The following WDTC1 variants were observed in gnomAD, a reference collection of about 807,000 sequenced individuals.
The protein encoded by WDTC1 is WD and tetratricopeptide repeats protein 1.
A neutral mutation model predicts 76.0 loss-of-function variants in WDTC1; 12 were observed. That is an observed-to-expected ratio of 0.16 (90% CI 0.10 to 0.26). The LOEUF is 0.26. Among genes scored for constraint, WDTC1 ranks in the 10% least tolerant of loss-of-function variants. The probability of loss-of-function intolerance (pLI) is 1.00; values close to 1 mark genes in which losing one functional copy is unlikely to be tolerated. For missense variants in WDTC1, 511 were observed against 908.8 expected, an observed-to-expected ratio of 0.56 and a Z score of 5.63; for synonymous variants, 326 against 350.8, an observed-to-expected ratio of 0.93 and a Z score of 0.79.
chr1:27,238,370 G>A (rs1057001041), intron 1 of WDTC1, among the ~76,000 whole-genome samples: 2 of 152,188 alleles, frequency 1.3e-5, no homozygotes, highest in Admixed American at 6.5e-5. Context: ...TTCCAAGAAG[G>A]TAGACTTTGG....
At chr1:27,246,313 C>A (rs2011829135) in intron 1 of WDTC1, among the ~76,000 whole-genome samples, 1 of 152,190 alleles carries the variant, frequency 6.6e-6, no homozygotes, top group Non-Finnish European at 1.5e-5. Flanking sequence ...ATAAATAGAA[C>A]CATACGACAT....
At chr1:27,269,543 A>G (rs1570959099) in intron 3 of WDTC1, among the ~76,000 whole-genome samples, 2 of 150,322 alleles carry the variant, frequency 1.3e-5, no homozygotes, top group African/African-American at 4.9e-5. Flanking sequence ...ACGATGGACA[A>G]TGGAGAGTCA....
chr1:27,300,918 C>G lies in WDTC1; in HGVS notation c.1233-308C>G, dbSNP rs550166227. Among the ~76,000 whole-genome samples, 4 of 152,348 alleles carry G rather than the reference C, an allele frequency of 2.6e-5. No homozygotes were observed. In the East Asian group the frequency reaches 5.8e-4, roughly 22 times the overall value. On this transcript the variant is annotated intron_variant, in intron 12 of 15. Coordinates refer to ENST00000319394, the MANE Select transcript of WDTC1 (RefSeq NM_001276252.2). ...GGTGGGCAAGATGCCAGGCCTTCTG[C>G]TGCAGAGCTGCGGGTGCCTGGGGTG...
Position 27,303,856 on chromosome 1 carries a change from G to A in WDTC1, c.1643+61G>A. On this transcript the variant is annotated intron_variant, in intron 14 of 15. Coordinates refer to ENST00000319394, the MANE Select transcript of WDTC1 (RefSeq NM_001276252.2). The surrounding 1 kb of genome is among the most constrained non-coding windows in gnomAD (Gnocchi z 4.8). ...GGCAGCGGGAGGTTGAGTGGGGAGTGTTGGGGCATAATGGTTTCAGAGAAG... is the reference window on the plus strand; with the variant it reads ...GGCAGCGGGAGGTTGAGTGGGGAGTATTGGGGCATAATGGTTTCAGAGAAG... The A allele has an allele frequency of 6.3e-7, 1 of 1,593,170 alleles. No individual in the cohort carries two copies. The highest frequency in any genetic ancestry group is 8.6e-7 in the Non-Finnish European group (1 of 1,168,490).
At chr1:27,287,176 A>C (rs1049161164) in intron 5 of WDTC1, among the ~76,000 whole-genome samples, 4 of 151,218 alleles carry the variant, frequency 2.6e-5, no homozygotes, top group African/African-American at 9.7e-5. Context: ...AAAAAAAAAC[A>C]AAAAAAACCC....
intron 3 of WDTC1, among the ~76,000 whole-genome samples, chr1:27,269,858 C>T (rs2012811009): frequency 6.6e-6 from 1 of 151,960 alleles, no homozygotes; most frequent in South Asian, 2.1e-4. Flanking sequence ...GATCCGCCTG[C>T]CTCGACCTCC....
intron 4 of WDTC1, 118 bp downstream of exon 4, chr1:27,282,403 C>G: frequency 1.1e-6 from 1 of 927,708 alleles, no homozygotes; most frequent in Non-Finnish European, 1.6e-6. Flanking sequence ...AAAGAGACTG[C>G]TGCTGTCTGC....
chr1:27,301,445 C>T lies in WDTC1; in HGVS notation c.1452C>T (p.Phe484=). The change falls in exon 13 of 16, where the codon TTC becomes TTT. Residue 484 remains phenylalanine (F), a synonymous_variant. Coordinates refer to ENST00000319394, the MANE Select transcript of WDTC1 (RefSeq NM_001276252.2). The surrounding 1 kb of genome is among the most constrained non-coding windows in gnomAD (Gnocchi z 5.8). ...ALGRDITAAL[F]SKNDGEEKKG... is the part of the protein sequence containing the mutation. ...GCCGCGACATCACAGCTGCCCTCTTCTCTAAAAATGATGGTGGTGAGTGGG... is the reference window on the plus strand; with the variant it reads ...GCCGCGACATCACAGCTGCCCTCTTTTCTAAAAATGATGGTGGTGAGTGGG... 1 of 1,613,200 alleles carries T rather than the reference C, an allele frequency of 6.2e-7. No individual in the cohort carries two copies. Among genetic ancestry groups the T allele is most frequent in the Non-Finnish European group, 8.5e-7 (1 of 1,179,976 alleles).
At chr1:27,236,146 G>C (rs977395533) in intron 1 of WDTC1, among the ~76,000 whole-genome samples, 2 of 152,078 alleles carry the variant, frequency 1.3e-5, no homozygotes, top group African/African-American at 4.8e-5. Context: ...ACTACTTAAT[G>C]CTATTTCTGT....
At position 27,297,549 on chromosome 1, in the gene WDTC1, C is replaced by T. The variant is rs1021219700; in HGVS notation, c.1059-389C>T. Among the ~76,000 whole-genome samples, 7 of 152,298 alleles carry T rather than the reference C, an allele frequency of 4.6e-5. No individual in the cohort carries two copies. In the South Asian group the frequency reaches 6.2e-4, roughly 14 times the overall value. ...CTGTGCTGGGCTTTGGATACAGAGG[C>T]GCTCAAATTCCCTAGCCTTGAGAGA... On this transcript the variant is annotated intron_variant, in intron 11 of 15. Coordinates refer to ENST00000319394, the MANE Select transcript of WDTC1 (RefSeq NM_001276252.2).
chr1:27,276,620 G>C (rs2013034744), intron 3 of WDTC1, among the ~76,000 whole-genome samples: 1 of 151,654 alleles, frequency 6.6e-6, no homozygotes, highest in African/African-American at 2.4e-5. Flanking sequence ...TTGAACCCAG[G>C]AGGAGGAGAT....
In WDTC1 at chr1:27,244,166, T is replaced by A. The variant is rs569097978; in HGVS notation, c.-100+9215T>A. ...GTCTCAAAACAAATAAAAATTTTTT[T>A]AAAAAAATTAAAAAGATGAAGAGAC... On this transcript the variant is annotated intron_variant, in intron 1 of 15. Transcript: ENST00000319394. 2.9e-3 allele frequency among the ~76,000 whole-genome samples: 428 copies of A among 150,146 alleles called. 4 individuals are homozygous for A. Among genetic ancestry groups the A allele is most frequent in the Non-Finnish European group, 3.5e-3 (239 of 67,614 alleles).
At chr1:27,270,379 GGAGAGAAGTCA>G (rs1422346324) in intron 3 of WDTC1, among the ~76,000 whole-genome samples, 1 of 152,168 alleles carries the variant, frequency 6.6e-6, no homozygotes, top group Non-Finnish European at 1.5e-5. Context: ...TAATTTGGAT[GGAGAGAAGTCA>G]GTGGATTTGA....
intron 2 of WDTC1, among the ~76,000 whole-genome samples, chr1:27,262,436 T>C (rs2012509180): frequency 6.6e-6 from 1 of 152,010 alleles, no homozygotes; most frequent in Non-Finnish European, 1.5e-5. Flanking sequence ...TTGCCCAGGC[T>C]GGAGTGCAGT....
In WDTC1 at chr1:27,301,336, A is replaced by G. The variant is rs747760786; in HGVS notation, c.1343A>G (p.Tyr448Cys). 6.2e-7 allele frequency: 1 copy of G among 1,614,188 alleles called. No homozygotes were observed. The highest frequency in any genetic ancestry group is 2.2e-5 in the East Asian group (1 of 44,882). Residue 448 changes from tyrosine to cysteine, a missense_variant, in exon 13 of 16, where the codon TAT becomes TGT. By Grantham distance (194) the Tyr-to-Cys change is radical. Coordinates refer to ENST00000319394, the MANE Select transcript of WDTC1 (RefSeq NM_001276252.2). The surrounding 1 kb of genome is among the most constrained non-coding windows in gnomAD (Gnocchi z 5.8). The part of the protein sequence containing the change: ...RLARCLFELK[Y>C]VAEALECLDD... ...GCCCGCTGCCTCTTTGAGCTCAAGT[A>G]TGTGGCTGAAGCCCTGGAGTGCCTG...
chr1:27,257,132 G>A (rs2012309663), intron 1 of WDTC1, among the ~76,000 whole-genome samples: 2 of 152,146 alleles, frequency 1.3e-5, no homozygotes, highest in Non-Finnish European at 2.9e-5. Context: ...AAAGCGCTGG[G>A]ATTACAGGCG....
intron 6 of WDTC1, among the ~76,000 whole-genome samples, chr1:27,289,695 A>C (rs112209011): frequency 0.11 from 16,329 of 151,840 alleles, 1,120 homozygotes; most frequent in South Asian, 0.18. Flanking sequence ...CCTGGGCACC[A>C]TTGAGCACTG....
At chr1:27,281,181 G>A (rs1174053663) in intron 3 of WDTC1, among the ~76,000 whole-genome samples, 1 of 152,132 alleles carries the variant, frequency 6.6e-6, no homozygotes, top group East Asian at 1.9e-4. Context: ...GCCGTGTGAG[G>A]CTGGGCGCGG....
intron 4 of WDTC1, among the ~76,000 whole-genome samples, chr1:27,283,117 G>A (rs1367844461): frequency 4.0e-5 from 6 of 151,200 alleles, no homozygotes; most frequent in Non-Finnish European, 8.8e-5. Flanking sequence ...CCAGCCTGGG[G>A]GACAGAGCGA....
Sources: gnomAD v4.1 joint callset for allele counts (sites outside exome capture counted in the v4.1 genomes callset) on GRCh38, gnomAD v4.1.1 for gene constraint, Gnocchi (gnomAD v3.1) non-coding constraint, MANE v1.5 for transcripts, NCBI Gene and HGNC (gene_info 2026-07-23, HGNC 2026-07-21) for gene names.